PTK2: variants seen among roughly 807,000 people sequenced by gnomAD.
PTK2 encodes focal adhesion kinase 1.
A neutral mutation model predicts 150.1 loss-of-function variants in PTK2; 45 were observed. The ratio of observed to expected loss-of-function variants is 0.30; its 90% CI spans 0.24 to 0.38. The LOEUF (loss-of-function observed/expected upper bound fraction) is 0.38, where lower values mean the gene tolerates loss of function less well. Ranked by LOEUF, PTK2 falls within the 10% of genes least tolerant of loss-of-function variation. The pLI is 1.00. For missense variants in PTK2, 919 were observed against 1,307.3 expected (o/e 0.70, Z 4.58); for synonymous variants, 432 against 449.2 (o/e 0.96, Z 0.48).
At chr8:140,996,289 C>G (rs538946499) in intron 1 of PTK2, among the ~76,000 whole-genome samples, 1 of 152,036 alleles carries the variant, frequency 6.6e-6, no homozygotes, top group African/African-American at 2.4e-5. Context: ...GAGGTTGGTT[C>G]GTGAGGTGGA....
At chr8:140,776,661 G>A (rs907571774) in intron 14 of PTK2, among the ~76,000 whole-genome samples, 10 of 152,202 alleles carry the variant, frequency 6.6e-5, no homozygotes, top group South Asian at 2.1e-4. Flanking sequence ...CAGGCTTGGC[G>A]TGAATATCAG....
chr8:140,778,293 T>G (rs2100079580), intron 14 of PTK2, among the ~76,000 whole-genome samples: 1 of 152,118 alleles, frequency 6.6e-6, no homozygotes, highest in Admixed American at 6.6e-5. Flanking sequence ...AGAAATACTG[T>G]CTCTATCGAA....
chr8:140,868,083 T>C (rs1000178320), intron 4 of PTK2, among the ~76,000 whole-genome samples: 9 of 152,200 alleles, frequency 5.9e-5, no homozygotes, highest in African/African-American at 1.9e-4. Context: ...TTCCTATTCA[T>C]GCCATTGTCA....
chr8:140,726,994 A>G (rs906076340), intron 22 of PTK2, among the ~76,000 whole-genome samples: 2 of 152,246 alleles, frequency 1.3e-5, no homozygotes, highest in Non-Finnish European at 2.9e-5. Flanking sequence ...TACATTTTAT[A>G]TGAAGTACAA....
At chr8:140,802,531 T>C (rs1030676340) in intron 11 of PTK2, among the ~76,000 whole-genome samples, 1 of 152,168 alleles carries the variant, frequency 6.6e-6, no homozygotes, top group African/African-American at 2.4e-5. Flanking sequence ...AATTTAAGTA[T>C]ATGGTGTGTA....
intron 14 of PTK2, among the ~76,000 whole-genome samples, chr8:140,775,068 C>T (rs1264743701): frequency 6.6e-6 from 1 of 152,168 alleles, no homozygotes; most frequent in Non-Finnish European, 1.5e-5. Context: ...TTCATTTTAC[C>T]CTATGGATTT....
At chr8:140,995,967 C>G (rs921921852) in intron 1 of PTK2, among the ~76,000 whole-genome samples, 1 of 152,040 alleles carries the variant, frequency 6.6e-6, no homozygotes, top group African/African-American at 2.4e-5. Flanking sequence ...CACCTGTAAT[C>G]CCAGCTACTC....
Position 140,811,096 on chromosome 8 carries a change from A to G in PTK2, c.867+7181T>C, listed in dbSNP as rs192929755. On this transcript the variant is annotated intron_variant, in intron 10 of 31. Coordinates refer to ENST00000522684, the Ensembl canonical transcript of PTK2. ...GCCACTGCTGCTGGCACATGGAAACAAGGGCGGATCCTATGCCACCACACT... is the reference window on the plus strand; with the variant it reads ...GCCACTGCTGCTGGCACATGGAAACGAGGGCGGATCCTATGCCACCACACT... Among the ~76,000 whole-genome samples, 6 of 152,340 alleles carry G rather than the reference A, an allele frequency of 3.9e-5. 1 individual carries two copies. The highest frequency in any genetic ancestry group is 2.0e-4 in the Admixed American group (3 of 15,308).
chr8:140,726,390 T>C (rs1319492849), intron 22 of PTK2, among the ~76,000 whole-genome samples: 2 of 152,180 alleles, frequency 1.3e-5, no homozygotes, highest in African/African-American at 4.8e-5. Flanking sequence ...ATAAAAGATA[T>C]GTTTATAGAT....
intron 5 of PTK2, 53 bp downstream of exon 5, chr8:140,864,259 A>T: frequency 9.3e-7 from 1 of 1,072,230 alleles, no homozygotes; most frequent in Non-Finnish European, 1.3e-6. Context: ...AATATGCAAT[A>T]AATAGGATTC....
At chr8:140,992,078 G>A (rs1194112459) in intron 1 of PTK2, among the ~76,000 whole-genome samples, 1 of 152,216 alleles carries the variant, frequency 6.6e-6, no homozygotes, top group South Asian at 2.1e-4. Context: ...GATCACCTGA[G>A]GTCAGGAGTT....
chr8:140,663,936 G>A (rs550831302), intron 31 of PTK2, among the ~76,000 whole-genome samples: 1 of 152,052 alleles, frequency 6.6e-6, no homozygotes. Context: ...TTACAGAGGT[G>A]AGCCACCACA....
intron 5 of PTK2, among the ~76,000 whole-genome samples, chr8:140,853,032 T>G (rs1017086654): frequency 6.6e-6 from 1 of 152,174 alleles, no homozygotes; most frequent in African/African-American, 2.4e-5. Flanking sequence ...ACTGTTTTGA[T>G]GGTAAACACC....
chr8:140,752,634 T>A (rs957566257), intron 16 of PTK2, among the ~76,000 whole-genome samples: 19 of 152,248 alleles, frequency 1.2e-4, no homozygotes, highest in African/African-American at 4.1e-4. Context: ...GCAGTCCCTG[T>A]ACCTGTCACA....
At chr8:140,959,564 GT>G (rs1172203005) in intron 1 of PTK2, among the ~76,000 whole-genome samples, 18 of 148,010 alleles carry the variant, frequency 1.2e-4, no homozygotes, top group Non-Finnish European at 2.4e-4. Context: ...AAAAAGTAGT[GT>G]AAGAGTGATC....
rs187191150 is a variant in PTK2, at chr8:140,919,905, G to T, written c.-33+5756C>A. ...ATGTCAGCAACAACTAAATAAAAGC[G>T]ATTTTAATGGTGAAACTGTAGTTTG... On this transcript the variant is annotated intron_variant, in intron 2 of 31. Coordinates refer to ENST00000522684, the Ensembl canonical transcript of PTK2. Among the ~76,000 whole-genome samples the T allele has an allele frequency of 6.6e-5, 10 of 152,018 alleles. No homozygotes were observed. In the South Asian group the frequency reaches 2.1e-3, roughly 32 times the overall value.
chr8:140,686,975 G>A (rs1248018723), intron 26 of PTK2: 10 of 367,510 alleles, frequency 2.7e-5, no homozygotes, highest in Non-Finnish European at 3.4e-5. Context: ...AAGTAGCACA[G>A]ATGGCTTTCT....
At chr8:140,830,427 G>T in intron 8 of PTK2, 45 bp downstream of exon 8, 3 of 1,277,222 alleles carry the variant, frequency 2.3e-6, no homozygotes, top group South Asian at 2.9e-5. Context: ...AAAAGGTCTT[G>T]GCATAATTTT....
intron 7 of PTK2, among the ~76,000 whole-genome samples, chr8:140,837,225 G>A (rs1000070046): frequency 6.6e-6 from 1 of 152,106 alleles, no homozygotes; most frequent in Non-Finnish European, 1.5e-5. Flanking sequence ...AACGTACCAG[G>A]GACAGGGGTT....
Sources: allele counts gnomAD v4.1 joint callset (sites outside exome capture counted in the v4.1 genomes callset), GRCh38; gene constraint gnomAD v4.1.1; transcripts MANE v1.5; gene names NCBI Gene and HGNC (gene_info 2026-07-23, HGNC 2026-07-21).